Variants in RASEF observed in about 807,000 individuals in gnomAD.
RASEF encodes the protein ras and EF-hand domain-containing protein.
RASEF carries 68 observed loss-of-function variants against 90.1 expected under a neutral mutation model. The observed-to-expected ratio is 0.75, with a 90% confidence interval of 0.62 to 0.92. RASEF has a LOEUF of 0.92. RASEF is among the 40% of genes least tolerant of loss of function. The pLI is 0.00. For missense variants in RASEF, 949 were observed against 937.2 expected, an observed-to-expected ratio of 1.01 and a Z score of -0.16; for synonymous variants, 331 against 345.2, an observed-to-expected ratio of 0.96 and a Z score of 0.46.
chr9:83,093,790 C>T, the RASEF span, among the ~76,000 whole-genome samples: 4 of 152,342 alleles, frequency 2.6e-5, no homozygotes, highest in South Asian at 4.1e-4. Context: ...CCTCAAGTGC[C>T]GCCAAAGTGG....
the RASEF span, among the ~76,000 whole-genome samples, chr9:83,143,775 C>A: frequency 3.9e-5 from 6 of 152,150 alleles, no homozygotes; most frequent in Non-Finnish European, 8.8e-5. Context: ...TAAAACAGAG[C>A]TACCATTCGG....
chr9:83,093,393 G>T, the RASEF span, among the ~76,000 whole-genome samples: 3 of 152,208 alleles, frequency 2.0e-5, no homozygotes, highest in African/African-American at 4.8e-5. Flanking sequence ...GCCCATGGAG[G>T]GGGTGGGAGG....
At chr9:83,124,741 T>C in the RASEF span, among the ~76,000 whole-genome samples, 25 of 152,298 alleles carry the variant, frequency 1.6e-4, no homozygotes, top group African/African-American at 5.8e-4. Flanking sequence ...CTTTTTCTTT[T>C]CTCTGGTCAG....
chr9:83,133,132 G>T, the RASEF span, among the ~76,000 whole-genome samples: 2 of 151,410 alleles, frequency 1.3e-5, no homozygotes, highest in African/African-American at 4.9e-5. Context: ...AAAAAAGAAA[G>T]AGAGAGAGAT....
At chr9:83,147,372 C>T in the RASEF span, among the ~76,000 whole-genome samples, 81 of 152,156 alleles carry the variant, frequency 5.3e-4, no homozygotes, top group African/African-American at 1.8e-3. Context: ...CTGAGAAGGT[C>T]GGCGCATATT....
chr9:83,049,176 G>C (rs113550405), intron 1 of RASEF: 51 of 310,702 alleles, frequency 1.6e-4, no homozygotes, highest in African/African-American at 1.1e-3. Flanking sequence ...CTTAAACATT[G>C]CTTATAACAT....
intron 1 of RASEF, among the ~76,000 whole-genome samples, chr9:83,040,824 A>C (rs938759287): frequency 6.6e-6 from 1 of 152,214 alleles, no homozygotes; most frequent in Non-Finnish European, 1.5e-5. Flanking sequence ...AATTTGTTAG[A>C]ATTCTACACA....
the RASEF span, among the ~76,000 whole-genome samples, chr9:83,131,648 C>A: frequency 6.6e-6 from 1 of 152,156 alleles, no homozygotes. Context: ...TCTCTTAAAT[C>A]TCTTCCAGTC....
the RASEF span, among the ~76,000 whole-genome samples, chr9:83,171,732 C>T: frequency 6.6e-6 from 1 of 151,840 alleles, no homozygotes; most frequent in Non-Finnish European, 1.5e-5. Flanking sequence ...TCATAATAAT[C>T]TCTAATGATA....
At chr9:83,024,501 T>C (rs1006287088) in intron 2 of RASEF, among the ~76,000 whole-genome samples, 1 of 152,188 alleles carries the variant, frequency 6.6e-6, no homozygotes, top group African/African-American at 2.4e-5. Context: ...TGTGTGTGTC[T>C]GCCTGTCCCA....
chr9:83,089,981 G>T, the RASEF span, among the ~76,000 whole-genome samples: 5 of 151,964 alleles, frequency 3.3e-5, no homozygotes, highest in Non-Finnish European at 7.4e-5. Flanking sequence ...TGCATATGTT[G>T]GTCTGCTTAA....
chr9:83,164,889 A>G, the RASEF span, among the ~76,000 whole-genome samples: 25,604 of 151,998 alleles, frequency 0.17, 2,442 homozygotes, highest in Non-Finnish European at 0.22. Context: ...ACAGAGCAAT[A>G]AAAGTTATCA....
At chr9:83,122,434 C>G in the RASEF span, among the ~76,000 whole-genome samples, 1 of 152,104 alleles carries the variant, frequency 6.6e-6, no homozygotes. Context: ...AGCAGCTCAG[C>G]CAAAGGAGGA....
the RASEF span, among the ~76,000 whole-genome samples, chr9:83,087,875 T>C: frequency 1.3e-5 from 2 of 152,118 alleles, no homozygotes; most frequent in African/African-American, 2.4e-5. Context: ...TTGAGTTATT[T>C]AATATATAGA....
the RASEF span, among the ~76,000 whole-genome samples, chr9:83,093,568 G>T: frequency 1.3e-5 from 2 of 152,248 alleles, no homozygotes; most frequent in Non-Finnish European, 2.9e-5. Context: ...CCCAGGGCCA[G>T]CAGGGCTGGC....
At chr9:83,096,665 T>A in the RASEF span, among the ~76,000 whole-genome samples, 2 of 152,050 alleles carry the variant, frequency 1.3e-5, no homozygotes, top group Non-Finnish European at 2.9e-5. Flanking sequence ...AGTTTTAGGG[T>A]ACATGTGCAA....
At chr9:83,122,651 A>G in the RASEF span, among the ~76,000 whole-genome samples, 1 of 152,238 alleles carries the variant, frequency 6.6e-6, no homozygotes, top group Non-Finnish European at 1.5e-5. Context: ...TTATATTTAT[A>G]AAGAGCTTTT....
chr9:83,185,608 C>T, the RASEF span, among the ~76,000 whole-genome samples: 1 of 152,026 alleles, frequency 6.6e-6, no homozygotes, highest in African/African-American at 2.4e-5. Flanking sequence ...CTGATGTTCC[C>T]AACAACAAAA....
intron 6 of RASEF, among the ~76,000 whole-genome samples, chr9:83,008,456 C>T (rs1455436911): frequency 6.6e-6 from 1 of 152,088 alleles, no homozygotes; most frequent in Admixed American, 6.6e-5. Context: ...ATGTTCTGGT[C>T]CCTGCTTTGG....
Sources: gnomAD v4.1 joint callset for allele counts (sites outside exome capture counted in the v4.1 genomes callset) on GRCh38, gnomAD v4.1.1 for gene constraint, MANE v1.5 for transcripts, NCBI Gene and HGNC (gene_info 2026-07-23, HGNC 2026-07-21) for gene names.